Variants in GATAD2A observed in about 807,000 individuals in gnomAD.
GATAD2A encodes the protein GATA zinc finger domain containing 2A.
In GATAD2A, 12 loss-of-function variants were observed where a neutral mutation model predicts 68.5. The ratio of observed to expected loss-of-function variants is 0.18; its 90% CI spans 0.11 to 0.28. The LOEUF (loss-of-function observed/expected upper bound fraction) is 0.28, where lower values mean the gene tolerates loss of function less well. GATAD2A is among the 10% of genes least tolerant of loss of function. The pLI is 1.00. For synonymous variants in GATAD2A, 410 were observed against 375.3 expected (o/e 1.09, Z -1.07); for missense variants, 755 against 868.5 (o/e 0.87, Z 1.64).
At chr19:19,422,707 G>T (rs977841912) in intron 1 of GATAD2A, among the ~76,000 whole-genome samples, 5 of 148,412 alleles carry the variant, frequency 3.4e-5, no homozygotes, top group Non-Finnish European at 7.4e-5. Flanking sequence ...TATTCTTTTT[G>T]TTTTTGTTGT....
At chr19:19,439,403 T>C (rs559182898) in intron 1 of GATAD2A, among the ~76,000 whole-genome samples, 1 of 152,168 alleles carries the variant, frequency 6.6e-6, no homozygotes, top group Non-Finnish European at 1.5e-5. Context: ...CTTTCTAATA[T>C]AAGAATCCTG....
intron 1 of GATAD2A, among the ~76,000 whole-genome samples, chr19:19,446,927 G>A (rs1037518400): frequency 2.0e-5 from 3 of 152,184 alleles, no homozygotes; most frequent in Non-Finnish European, 4.4e-5. Context: ...GCATTAACCG[G>A]GAAGGAGGTT....
intron 2 of GATAD2A, among the ~76,000 whole-genome samples, chr19:19,476,819 G>T (rs1204385336): frequency 1.3e-5 from 2 of 152,216 alleles, no homozygotes; most frequent in East Asian, 1.9e-4. Flanking sequence ...TGTTTTCCCG[G>T]TTAGCAGAAT....
chr19:19,410,420 G>T (rs191856477), intron 1 of GATAD2A, among the ~76,000 whole-genome samples: 3 of 152,160 alleles, frequency 2.0e-5, no homozygotes, highest in Non-Finnish European at 4.4e-5. Context: ...AGCTATGCCT[G>T]TGGGGAGGGG....
chr19:19,471,071 C>T (rs2058269884), intron 2 of GATAD2A, among the ~76,000 whole-genome samples: 4 of 152,096 alleles, frequency 2.6e-5, no homozygotes, highest in Admixed American at 2.6e-4. Flanking sequence ...GCCTGGCCAA[C>T]ATGGTGAAAC....
At chr19:19,385,940 C>T (rs2048382620) in exon 1 of GATAD2A, 1 of 148,294 alleles carries the variant, frequency 6.7e-6, no homozygotes, top group South Asian at 2.0e-4. Flanking sequence ...CACGCGCACC[C>T]CCGCCGCCCG....
chr19:19,456,245 C>G (rs909470715), intron 1 of GATAD2A, among the ~76,000 whole-genome samples: 1 of 152,056 alleles, frequency 6.6e-6, no homozygotes, highest in Non-Finnish European at 1.5e-5. Flanking sequence ...AGTAGAGCAC[C>G]TGTGAGTACA....
intron 1 of GATAD2A, among the ~76,000 whole-genome samples, chr19:19,455,587 G>A (rs901048423): frequency 2.6e-5 from 4 of 152,172 alleles, no homozygotes; most frequent in African/African-American, 9.7e-5. Context: ...AGCTGTTTAT[G>A]TAGCATTTAC....
chr19:19,423,096 TC>T (rs2052629118), intron 1 of GATAD2A, among the ~76,000 whole-genome samples: 1 of 152,304 alleles, frequency 6.6e-6, no homozygotes, highest in East Asian at 1.9e-4. Context: ...AGCCTTGACT[TC>T]CTGGACTCAA....
intron 1 of GATAD2A, among the ~76,000 whole-genome samples, chr19:19,414,003 CT>C (rs1568712288): frequency 6.6e-6 from 1 of 152,038 alleles, no homozygotes; most frequent in South Asian, 2.1e-4. Context: ...AGTGTTGAGT[CT>C]TTTTGTTGTT....
At chr19:19,484,532 C>CTTTTTTTTTTTTTTTTT (rs897099165) in intron 2 of GATAD2A, among the ~76,000 whole-genome samples, 3 of 86,956 alleles carry the variant, frequency 3.5e-5, no homozygotes, top group Non-Finnish European at 6.6e-5. Flanking sequence ...TTTTTTTTTT[C>CTTTTTTTTTTTTTTTTT]TTTTTTTTTT....
intron 4 of GATAD2A, among the ~76,000 whole-genome samples, chr19:19,493,066 G>A (rs1386637491): frequency 1.3e-5 from 2 of 151,572 alleles, no homozygotes; most frequent in African/African-American, 2.4e-5. Context: ...TCAGCCTCCC[G>A]AGTAGCTGGG....
intron 1 of GATAD2A, among the ~76,000 whole-genome samples, chr19:19,413,834 C>G (rs965913458): frequency 6.6e-6 from 1 of 152,212 alleles, no homozygotes; most frequent in Non-Finnish European, 1.5e-5. Context: ...ATCCACCCAC[C>G]TTGGCCTCCC....
chr19:19,438,015 C>T (rs1489917341), intron 1 of GATAD2A, among the ~76,000 whole-genome samples: 1 of 152,140 alleles, frequency 6.6e-6, no homozygotes, highest in East Asian at 1.9e-4. Flanking sequence ...TTATCCATGG[C>T]GCCTGCACTA....
chr19:19,476,588 G>C (rs2058691376), intron 2 of GATAD2A, among the ~76,000 whole-genome samples: 1 of 152,258 alleles, frequency 6.6e-6, no homozygotes, highest in Non-Finnish European at 1.5e-5. Context: ...CCAACCTGGA[G>C]GCTACGGGGC....
At chr19:19,387,096 A>G (rs2048490721) in intron 1 of GATAD2A, among the ~76,000 whole-genome samples, 1 of 151,812 alleles carries the variant, frequency 6.6e-6, no homozygotes, top group South Asian at 2.1e-4. Context: ...TGGCCTCTCT[A>G]AGACCCTATC....
At chr19:19,468,254 C>T (rs768509643) in intron 2 of GATAD2A, among the ~76,000 whole-genome samples, 7 of 152,222 alleles carry the variant, frequency 4.6e-5, no homozygotes, top group South Asian at 2.1e-4. Context: ...CCAACAGCTT[C>T]GCTGTGTGGG....
rs929814551 is a variant in GATAD2A, at chr19:19,501,115, C to T, written c.1205-3C>T. ...ACGTGAGCCATGTGCTGTCTGCTTG[C>T]AGCAGGCAGGATGTCGGCCGCCACT... is the stretch of plus-strand genomic sequence containing the variant. On this transcript the variant is annotated splice_polypyrimidine_tract_variant and splice_region_variant and intron_variant, in intron 8 of 11. Coordinates refer to ENST00000683918, the MANE Select transcript of GATAD2A (RefSeq NM_001384528.1). The T allele has an allele frequency of 8.1e-6, 13 of 1,606,534 alleles. No individual in the cohort carries two copies. The highest frequency in any genetic ancestry group is 9.4e-6 in the Non-Finnish European group (11 of 1,174,628).
chr19:19,484,512 CTTTTTCTTTTTTTT>C (rs1181546805), intron 2 of GATAD2A, among the ~76,000 whole-genome samples: 84 of 119,968 alleles, frequency 7.0e-4, no homozygotes, highest in South Asian at 4.9e-3. Flanking sequence ...CAGGATTTTT[CTTTTTCTTTTTTTT>C]TTTTTCTTTT....
Sources: gnomAD v4.1 joint callset for allele counts (sites outside exome capture counted in the v4.1 genomes callset) on GRCh38, gnomAD v4.1.1 for gene constraint, MANE v1.5 for transcripts, NCBI Gene and HGNC (gene_info 2026-07-23, HGNC 2026-07-21) for gene names.